Variants in TAFA2 observed in about 807,000 individuals in gnomAD.
TAFA2 encodes chemokine-like protein TAFA-2.
A neutral mutation model predicts 18.8 loss-of-function variants in TAFA2; 7 were observed. The observed-to-expected ratio is 0.37, with a 90% confidence interval of 0.21 to 0.70. The LOEUF is 0.70. Ranked by LOEUF, TAFA2 falls within the 30% of genes least tolerant of loss-of-function variation. The pLI, the probability that TAFA2 is intolerant of heterozygous loss-of-function variation, is 0.53. For missense variants in TAFA2, 122 were observed against 158.1 expected (o/e 0.77, Z 1.23); for synonymous variants, 60 against 54.2 (o/e 1.11, Z -0.47).
intron 1 of TAFA2, among the ~76,000 whole-genome samples, chr12:62,060,487 C>T (rs966010145): frequency 6.6e-6 from 1 of 152,122 alleles, no homozygotes; most frequent in Non-Finnish European, 1.5e-5. Context: ...CAATAATGTA[C>T]AATACATAAT....
chr12:61,891,592 G>A (rs1288001996), intron 1 of TAFA2, among the ~76,000 whole-genome samples: 1 of 152,104 alleles, frequency 6.6e-6, no homozygotes, highest in African/African-American at 2.4e-5. Flanking sequence ...AGGTTGCAGT[G>A]AGCTGAGATC....
rs144525921 is a variant in TAFA2, at chr12:62,251,165, T to C, written c.-130+7598A>G. 5.9e-5 allele frequency among the ~76,000 whole-genome samples: 9 copies of C among 152,268 alleles called. No individual in the cohort carries two copies. The East Asian group carries it at 1.7e-3, about 29-fold the overall frequency. On this transcript the variant is annotated intron_variant, in intron 1 of 5. Coordinates refer to the TAFA2 transcript ENST00000551619. ...GCAGCAGGTAGTCATGTAATTGTTA[T>C]AGGAGGCTGGAATAATGACAACAGT...
rs867686923 is a variant in TAFA2, at chr12:61,762,821, T to G, written c.107-7797A>C. On this transcript the variant is annotated intron_variant, in intron 2 of 4. Coordinates refer to ENST00000416284, the MANE Select transcript of TAFA2 (RefSeq NM_178539.5). ...TTGCATTCTGATTTGTCTCATTGAT[T>G]ATGAAATTTTGTTTGTCTCTATATA... Among the ~76,000 whole-genome samples, 8 of 152,114 alleles carry G rather than the reference T, an allele frequency of 5.3e-5. No homozygotes were observed. In the Middle Eastern group the frequency reaches 0.01, roughly 194 times the overall value.
At chr12:62,162,339 A>T (rs1325475033) in intron 1 of TAFA2, among the ~76,000 whole-genome samples, 1 of 152,202 alleles carries the variant, frequency 6.6e-6, no homozygotes, top group Non-Finnish European at 1.5e-5. Context: ...TACCAGGTAC[A>T]CTTAGGATGA....
intron 1 of TAFA2, among the ~76,000 whole-genome samples, chr12:61,909,941 A>G (rs182919242): frequency 3.9e-5 from 6 of 152,334 alleles, no homozygotes; most frequent in East Asian, 3.9e-4. Context: ...CATTTAACTA[A>G]TAATTATTAA....
intron 1 of TAFA2, among the ~76,000 whole-genome samples, chr12:62,133,884 C>T (rs11837325): frequency 0.15 from 22,906 of 152,052 alleles, 1,804 homozygotes; most frequent in Middle Eastern, 0.18. Flanking sequence ...TGAGATAACC[C>T]TAGGCAAATA....
chr12:62,035,744 T>TTTTC (rs1881586791), intron 1 of TAFA2, among the ~76,000 whole-genome samples: 1 of 130,910 alleles, frequency 7.6e-6, no homozygotes, highest in Non-Finnish European at 1.6e-5. Flanking sequence ...TTTTTTTTTT[T>TTTTC]TTTTTTTTTT....
intron 1 of TAFA2, among the ~76,000 whole-genome samples, chr12:61,874,040 C>T (rs1358476307): frequency 6.6e-6 from 1 of 152,078 alleles, no homozygotes; most frequent in Admixed American, 6.5e-5. Context: ...ATTTTAATTA[C>T]TACAGTTTTT....
intron 1 of TAFA2, among the ~76,000 whole-genome samples, chr12:61,884,407 A>G (rs987620813): frequency 6.6e-6 from 1 of 152,166 alleles, no homozygotes; most frequent in African/African-American, 2.4e-5. Flanking sequence ...TGGGTAATAT[A>G]TTTGACAGTA....
At chr12:62,230,766 C>A (rs759592729) in intron 1 of TAFA2, among the ~76,000 whole-genome samples, 10 of 152,182 alleles carry the variant, frequency 6.6e-5, no homozygotes, top group Non-Finnish European at 1.2e-4. Flanking sequence ...TAACTTCAAC[C>A]TCTAGGGCTC....
chr12:61,711,068 T>C (rs535610242), intron 4 of TAFA2, among the ~76,000 whole-genome samples: 1 of 152,234 alleles, frequency 6.6e-6, no homozygotes, highest in African/African-American at 2.4e-5. Flanking sequence ...GATTGGAATA[T>C]ACTATTAATG....
chr12:61,751,832 A>C (rs1869030227), intron 4 of TAFA2, among the ~76,000 whole-genome samples: 1 of 152,098 alleles, frequency 6.6e-6, no homozygotes, highest in Non-Finnish European at 1.5e-5. Flanking sequence ...TATGGTCAAC[A>C]GGCCAAAAGG....
At chr12:61,895,137 A>C (rs1369589210) in intron 1 of TAFA2, among the ~76,000 whole-genome samples, 2 of 152,190 alleles carry the variant, frequency 1.3e-5, no homozygotes, top group Non-Finnish European at 2.9e-5. Context: ...ATAAACATGC[A>C]TGGATAGAAG....
intron 4 of TAFA2, among the ~76,000 whole-genome samples, chr12:61,711,235 C>T (rs1869393575): frequency 6.6e-6 from 1 of 150,658 alleles, no homozygotes; most frequent in African/African-American, 2.4e-5. Context: ...GGAAAACACA[C>T]AGGGAGAGGG....
At chr12:62,219,410 T>C (rs991077248) in intron 1 of TAFA2, among the ~76,000 whole-genome samples, 2 of 152,184 alleles carry the variant, frequency 1.3e-5, no homozygotes, top group African/African-American at 4.8e-5. Context: ...GGTTAGAGAA[T>C]ATTTACACAC....
At chr12:61,815,247 A>C (rs1872031998) in intron 2 of TAFA2, among the ~76,000 whole-genome samples, 1 of 151,554 alleles carries the variant, frequency 6.6e-6, no homozygotes, top group Admixed American at 6.6e-5. Context: ...TAATGAAAAC[A>C]TTTATTAAAC....
intron 1 of TAFA2, among the ~76,000 whole-genome samples, chr12:62,040,366 T>C (rs1881725821): frequency 6.6e-6 from 1 of 152,118 alleles, no homozygotes; most frequent in South Asian, 2.1e-4. Flanking sequence ...CCTCAGAATC[T>C]GACCTTATTT....
chr12:62,166,102 G>A (rs911424755), intron 1 of TAFA2, among the ~76,000 whole-genome samples: 1 of 151,978 alleles, frequency 6.6e-6, no homozygotes, highest in African/African-American at 2.4e-5. Context: ...ACACATCCAC[G>A]AGAGTGGTTC....
chr12:61,746,188 C>T (rs1868699881), intron 4 of TAFA2, among the ~76,000 whole-genome samples: 1 of 152,028 alleles, frequency 6.6e-6, no homozygotes, highest in African/African-American at 2.4e-5. Flanking sequence ...GTGAGTGAGT[C>T]TCATGAGATC....
Sources: allele counts gnomAD v4.1 joint callset (sites outside exome capture counted in the v4.1 genomes callset), GRCh38; gene constraint gnomAD v4.1.1; transcripts MANE v1.5; gene names NCBI Gene and HGNC (gene_info 2026-07-23, HGNC 2026-07-21).